The following GRM1 variants were observed in gnomAD, a reference collection of about 807,000 sequenced individuals.
GRM1 encodes the protein glutamate metabotropic receptor 1.
Under a neutral mutation model 90.9 loss-of-function variants are expected in GRM1, and 33 were observed. The ratio of observed to expected loss-of-function variants is 0.36; its 90% CI spans 0.28 to 0.49. GRM1 has a LOEUF of 0.49. Among genes scored for constraint, GRM1 ranks in the 20% least tolerant of loss-of-function variants. The pLI is 0.99. For synonymous variants in GRM1, 700 were observed against 613.2 expected (o/e 1.14, Z -2.09); for missense variants, 1,190 against 1,534.3 (o/e 0.78, Z 3.75).
chr6:146,269,417 A>G (rs1782031550), intron 2 of GRM1, among the ~76,000 whole-genome samples: 1 of 152,234 alleles, frequency 6.6e-6, no homozygotes, highest in South Asian at 2.1e-4. Context: ...GCACAGCTTT[A>G]AAACACTGAT....
chr6:146,330,964 G>A (rs904067854), intron 3 of GRM1, among the ~76,000 whole-genome samples: 3 of 152,188 alleles, frequency 2.0e-5, no homozygotes, highest in African/African-American at 7.2e-5. Flanking sequence ...ATATATAACA[G>A]CAAGCTAAGC....
chr6:146,173,507 A>G (rs1385263734), intron 2 of GRM1, among the ~76,000 whole-genome samples: 1 of 152,002 alleles, frequency 6.6e-6, no homozygotes, highest in Non-Finnish European at 1.5e-5. Context: ...CTTTTTGTGA[A>G]TAAACTGATT....
chr6:146,108,894 A>G (rs1775433308), intron 1 of GRM1, among the ~76,000 whole-genome samples: 1 of 152,142 alleles, frequency 6.6e-6, no homozygotes. Context: ...AACTGGTGGT[A>G]TTTTGCCCCT....
intron 2 of GRM1, among the ~76,000 whole-genome samples, chr6:146,243,706 G>T (rs539897196): frequency 6.6e-6 from 1 of 152,088 alleles, no homozygotes; most frequent in Non-Finnish European, 1.5e-5. Context: ...CACTGGGCAC[G>T]CATCGTCATT....
At chr6:146,419,232 A>C (rs956095249) in intron 7 of GRM1, among the ~76,000 whole-genome samples, 6 of 152,232 alleles carry the variant, frequency 3.9e-5, no homozygotes, top group African/African-American at 1.4e-4. Context: ...ATCATTTTAC[A>C]ATCCTTGGTT....
chr6:146,173,410 G>GA lies in GRM1; in HGVS notation c.950+13824dup, dbSNP rs1182745924. Among the ~76,000 whole-genome samples, 665 of 84,130 alleles carry GA rather than the reference G, an allele frequency of 7.9e-3. 6 individuals carry two copies. Among genetic ancestry groups the GA allele is most frequent in the African/African-American group, 0.02 (475 of 24,086 alleles). The allele number at this position is 84,130 out of a possible 152,430, so 55.2% of individuals were successfully genotyped here. ...GTCTCAAAAAAAAAAGAAAAGAAAA[G>GA]AAAAAAAAAAAGAAAAAGAAAAAGA... is the stretch of plus-strand genomic sequence containing the variant. On this transcript the variant is annotated intron_variant, in intron 2 of 7. Coordinates refer to ENST00000282753, the MANE Select transcript of GRM1 (RefSeq NM_001278064.2).
chr6:146,184,639 C>T lies in GRM1; in HGVS notation c.950+25042C>T, dbSNP rs185123661. ...CTATACCTCTCTATCTTGTATTAGT[C>T]TGATAGGCTATGCTATGCTGCAATA... On this transcript the variant is annotated intron_variant, in intron 2 of 7. Transcript: ENST00000282753. 3.9e-5 allele frequency among the ~76,000 whole-genome samples: 6 copies of T among 152,196 alleles called. No individual in the cohort carries two copies. The East Asian group carries it at 1.2e-3, about 29-fold the overall frequency.
At chr6:146,148,961 C>T (rs766373284) in intron 1 of GRM1, among the ~76,000 whole-genome samples, 2 of 152,064 alleles carry the variant, frequency 1.3e-5, no homozygotes, top group African/African-American at 4.8e-5. Flanking sequence ...GTTTCTTGCA[C>T]GTGGAAACCA....
chr6:146,352,290 G>A lies in GRM1; in HGVS notation c.1227G>A (p.Lys409=), dbSNP rs761468018. The part of the protein sequence containing the change: ...SLEENYVQDS[K]MGFVINAIYA... ...AAGAAAACTATGTCCAGGACAGTAAGATGGGGTTTGTCATCAATGCCATCT... is the reference window on the plus strand; with the variant it reads ...AAGAAAACTATGTCCAGGACAGTAAAATGGGGTTTGTCATCAATGCCATCT... Residue 409 remains lysine (K), a synonymous_variant, in exon 4 of 8, where the codon AAG becomes AAA. Transcript: ENST00000282753. 1.3e-5 allele frequency: 21 copies of A among 1,613,684 alleles called. No individual in the cohort carries two copies. The highest frequency in any genetic ancestry group is 1.8e-5 in the Non-Finnish European group (21 of 1,179,672).
At chr6:146,206,160 T>C (rs898485009) in intron 2 of GRM1, among the ~76,000 whole-genome samples, 1 of 152,188 alleles carries the variant, frequency 6.6e-6, no homozygotes, top group Admixed American at 6.5e-5. Flanking sequence ...TTGAAATCTT[T>C]TCTGCTTTTG....
intron 3 of GRM1, among the ~76,000 whole-genome samples, chr6:146,334,575 C>A (rs972382952): frequency 2.0e-5 from 3 of 152,176 alleles, no homozygotes; most frequent in Non-Finnish European, 2.9e-5. Flanking sequence ...GTATGGTTCT[C>A]CATTCTGTCC....
intron 1 of GRM1, among the ~76,000 whole-genome samples, chr6:146,117,175 T>C (rs1284678455): frequency 2.0e-5 from 3 of 151,402 alleles, no homozygotes; most frequent in Non-Finnish European, 4.4e-5. Flanking sequence ...TTTTAGTTTC[T>C]TGAGTTTCAT....
At chr6:146,340,008 G>C (rs1344472854) in intron 3 of GRM1, among the ~76,000 whole-genome samples, 1 of 152,186 alleles carries the variant, frequency 6.6e-6, no homozygotes, top group Non-Finnish European at 1.5e-5. Context: ...TGCTGTTTCA[G>C]TTTACATTAG....
intron 6 of GRM1, among the ~76,000 whole-genome samples, chr6:146,387,312 A>G (rs893024859): frequency 3.3e-5 from 5 of 152,058 alleles, no homozygotes; most frequent in Non-Finnish European, 7.4e-5. Context: ...GGCCACCTGA[A>G]TTTATATTTG....
intron 5 of GRM1, among the ~76,000 whole-genome samples, chr6:146,365,756 C>T (rs765648328): frequency 2.6e-5 from 4 of 152,110 alleles, no homozygotes; most frequent in African/African-American, 7.2e-5. Context: ...AACATCTTAG[C>T]GGGACCTTAC....
chr6:146,243,080 C>A (rs1780925750), intron 2 of GRM1, among the ~76,000 whole-genome samples: 1 of 152,070 alleles, frequency 6.6e-6, no homozygotes, highest in South Asian at 2.1e-4. Flanking sequence ...TTTCAGCAAT[C>A]CAGATCTTAA....
chr6:146,160,438 T>C (rs1777681118), intron 2 of GRM1, among the ~76,000 whole-genome samples: 1 of 152,228 alleles, frequency 6.6e-6, no homozygotes, highest in Admixed American at 6.5e-5. Flanking sequence ...TTTGCCAGCT[T>C]CTAATATTGC....
intron 1 of GRM1, among the ~76,000 whole-genome samples, chr6:146,157,771 A>G (rs1327289788): frequency 7.9e-5 from 12 of 152,098 alleles, no homozygotes; most frequent in Admixed American, 7.9e-4. Flanking sequence ...CAAATTTACA[A>G]CAGAAAGATT....
chr6:146,033,883 A>C (rs1218341459), intron 1 of GRM1, among the ~76,000 whole-genome samples: 2 of 152,074 alleles, frequency 1.3e-5, no homozygotes, highest in African/African-American at 4.8e-5. Flanking sequence ...TACCTGTAAT[A>C]ATTTTATATC....
Sources: gnomAD v4.1 joint callset for allele counts (sites outside exome capture counted in the v4.1 genomes callset) on GRCh38, gnomAD v4.1.1 for gene constraint, MANE v1.5 for transcripts, NCBI Gene and HGNC (gene_info 2026-07-23, HGNC 2026-07-21) for gene names.